The following ZBTB38 variants were observed in gnomAD, a reference collection of about 807,000 sequenced individuals.
ZBTB38 encodes zinc finger and BTB domain containing 38, also known as zinc finger and BTB domain-containing protein 38.
In ZBTB38, 20 loss-of-function variants were observed where a neutral mutation model predicts 76.8. The observed-to-expected ratio is 0.26, with a 90% CI of 0.18 to 0.38. ZBTB38 has a LOEUF of 0.38. ZBTB38 is among the 10% of genes least tolerant of loss of function. The pLI, the probability that ZBTB38 is intolerant of heterozygous loss-of-function variation, is 1.00. For missense variants in ZBTB38, 1,082 were observed against 1,482.3 expected (o/e 0.73, Z 4.43); for synonymous variants, 504 against 544.2 (o/e 0.93, Z 1.03).
In ZBTB38 at chr3:141,443,062, T is replaced by C. The variant is rs758625825; in HGVS notation, c.674T>C (p.Val225Ala). 2 of 1,614,264 alleles carry C rather than the reference T, an allele frequency of 1.2e-6. No homozygotes were observed. The highest frequency in any genetic ancestry group is 2.2e-5 in the South Asian group (2 of 91,086). ...ACACTTGCCGAGCACTCATACGCTGTTTCTTCCGTAGCTGAAGCTTACAGA... is the reference window on the plus strand; with the variant it reads ...ACACTTGCCGAGCACTCATACGCTGCTTCTTCCGTAGCTGAAGCTTACAGA... ...VRTLAEHSYA[V>A]SSVAEAYRSQ... is the part of the protein sequence containing the mutation. Residue 225 changes from valine (V) to alanine (A), a missense_variant, in exon 6 of 6, where the codon GTT becomes GCT. Around this residue, in one of 8 missense-constraint regions of ZBTB38, gnomAD observed 324 missense variants for 359.1 expected, o/e 0.90. Transcript: ENST00000321464. The surrounding 1 kb of genome is among the most constrained non-coding windows in gnomAD (Gnocchi z 5.6).
intron 1 of ZBTB38, among the ~76,000 whole-genome samples, chr3:141,337,079 A>G (rs1466548347): frequency 6.6e-6 from 1 of 151,978 alleles, no homozygotes; most frequent in African/African-American, 2.4e-5. Flanking sequence ...AGTTCTAGTC[A>G]CTCCCCGCTT....
intron 5 of ZBTB38, among the ~76,000 whole-genome samples, chr3:141,406,905 T>G (rs1954698021): frequency 6.6e-6 from 1 of 152,154 alleles, no homozygotes; most frequent in African/African-American, 2.4e-5. Context: ...CTTTTTAAGG[T>G]AATATGACGT....
intron 5 of ZBTB38, among the ~76,000 whole-genome samples, chr3:141,421,702 C>A (rs534579074): frequency 6.6e-6 from 1 of 152,184 alleles, no homozygotes; most frequent in Non-Finnish European, 1.5e-5. Flanking sequence ...CCCCTCACCC[C>A]ACTCCCCATC....
chr3:141,439,024 CCT>C (rs1363586656), intron 5 of ZBTB38, among the ~76,000 whole-genome samples: 7 of 151,894 alleles, frequency 4.6e-5, no homozygotes, highest in Non-Finnish European at 1.0e-4. Context: ...TTCCTATACC[CCT>C]GTTTTACTTA....
At chr3:141,403,101 T>A (rs899382814) in intron 4 of ZBTB38, 6 of 152,190 alleles carry the variant, frequency 3.9e-5, no homozygotes, top group Admixed American at 2.0e-4. Flanking sequence ...ATAAATCACC[T>A]GAGATTTTAG....
chr3:141,368,995 CAAA>C (rs887674425), intron 1 of ZBTB38, among the ~76,000 whole-genome samples, 191 bp downstream of exon 1: 2 of 84,536 alleles, frequency 2.4e-5, no homozygotes, highest in Non-Finnish European at 4.4e-5. Context: ...GAAAAGAATG[CAAA>C]AAAAAAAAAA....
Position 141,371,343 on chromosome 3 carries a change from G to A in ZBTB38, c.-235+1397G>A, listed in dbSNP as rs190616456. On this transcript the variant is annotated intron_variant, in intron 2 of 5. Coordinates refer to ENST00000321464, the MANE Select transcript of ZBTB38 (RefSeq NM_001376113.1). ...TGAGATTACAGACATGAGCCATAGC[G>A]CCCAGCCGAGAAACTTTTTTTTTCT... Among the ~76,000 whole-genome samples, 16 of 150,958 alleles carry A rather than the reference G, an allele frequency of 1.1e-4. No homozygotes were observed. In the East Asian group the frequency reaches 2.6e-3, roughly 24 times the overall value.
intron 5 of ZBTB38, among the ~76,000 whole-genome samples, chr3:141,422,382 T>A (rs2075593015): frequency 6.6e-6 from 1 of 152,152 alleles, no homozygotes. Context: ...AGAGCATAAG[T>A]CACCTTACTG....
chr3:141,330,298 A>G (rs1162806577), intron 1 of ZBTB38, among the ~76,000 whole-genome samples: 2 of 152,172 alleles, frequency 1.3e-5, no homozygotes, highest in Admixed American at 6.5e-5. Context: ...GACTAAGGGT[A>G]CCATGGAACG....
At chr3:141,388,439 T>C (rs1947797728) in intron 4 of ZBTB38, 1 of 152,126 alleles carries the variant, frequency 6.6e-6, no homozygotes. Flanking sequence ...AAATATTAAA[T>C]ATAGATGGCC....
chr3:141,354,658 C>T (rs918626504), intron 1 of ZBTB38, among the ~76,000 whole-genome samples: 2 of 152,144 alleles, frequency 1.3e-5, no homozygotes, highest in African/African-American at 4.8e-5. Flanking sequence ...GCATATCTCT[C>T]CAGGCAGGCA....
chr3:141,384,115 C>A (rs1484743719), intron 3 of ZBTB38, among the ~76,000 whole-genome samples: 1 of 152,216 alleles, frequency 6.6e-6, no homozygotes, highest in Non-Finnish European at 1.5e-5. Context: ...GTCTGGTAAA[C>A]GTACCACGTT....
chr3:141,404,064 T>C (rs547941286), intron 5 of ZBTB38, 33 bp downstream of exon 5: 6 of 152,314 alleles, frequency 3.9e-5, no homozygotes, highest in Non-Finnish European at 8.8e-5. Context: ...TTAGTCTACA[T>C]GAGATAGGAA....
At chr3:141,415,067 T>G (rs929093865) in intron 5 of ZBTB38, among the ~76,000 whole-genome samples, 3 of 152,100 alleles carry the variant, frequency 2.0e-5, no homozygotes, top group Non-Finnish European at 2.9e-5. Flanking sequence ...GGCATCATCA[T>G]CATCATCTTC....
rs1356855291 is a variant in ZBTB38 at position 141,443,324 on chromosome 3, T to G, written c.936T>G (p.Asn312Lys). The G allele has an allele frequency of 3.7e-6, 6 of 1,614,074 alleles. No individual in the cohort carries two copies. The African/African-American group carries it at 8.0e-5, about 22-fold the overall frequency. Residue 312 changes from asparagine (N) to lysine (K), a missense_variant, in exon 6 of 6, where the codon AAT (asparagine) becomes AAG (lysine). Asn to Lys is a moderately conservative substitution (Grantham distance 94). Coordinates refer to ENST00000321464, the MANE Select transcript of ZBTB38 (RefSeq NM_001376113.1). The surrounding 1 kb of genome is among the most constrained non-coding windows in gnomAD (Gnocchi z 5.6). ...TCACTCGTTCAAAATCTCCAAACAA[T>G]GAAGGAGATGTCCATTTTTCCAGGG... ...AVLTRSKSPN[N>K]EGDVHFSRED...
intron 1 of ZBTB38, among the ~76,000 whole-genome samples, chr3:141,349,731 A>G (rs963648094): frequency 6.6e-6 from 1 of 152,150 alleles, no homozygotes; most frequent in Non-Finnish European, 1.5e-5. Context: ...CTCTGTCTCA[A>G]AAAAATAAAT....
Position 141,380,369 on chromosome 3 carries a change from G to A in ZBTB38, c.-234-1056G>A, listed in dbSNP as rs541448890. On this transcript the variant is annotated intron_variant, in intron 2 of 5. Transcript: ENST00000321464. ...GAGAGACAGGTTTACACAAAGCACT[G>A]TGGTCTGCTTGCCAGACAACTTGTG... Among the ~76,000 whole-genome samples, 3 of 152,290 alleles carry A rather than the reference G, an allele frequency of 2.0e-5. No homozygotes were observed. In the South Asian group the frequency reaches 6.2e-4, roughly 32 times the overall value.
intron 1 of ZBTB38, among the ~76,000 whole-genome samples, chr3:141,337,921 CTAAT>C (rs1559912146): frequency 6.6e-6 from 1 of 152,136 alleles, no homozygotes; most frequent in Non-Finnish European, 1.5e-5. Flanking sequence ...ATAATTATCA[CTAAT>C]TTATTTATTT....
intron 1 of ZBTB38, among the ~76,000 whole-genome samples, chr3:141,327,450 G>T (rs546979541): frequency 6.6e-6 from 1 of 152,156 alleles, no homozygotes; most frequent in African/African-American, 2.4e-5. Flanking sequence ...CAGTCCAACC[G>T]TGAGAAAAAT....
Sources: gnomAD v4.1 joint callset for allele counts (sites outside exome capture counted in the v4.1 genomes callset) on GRCh38, gnomAD v4.1.1 for gene constraint, gnomAD v4.1.1 regional missense constraint, Gnocchi (gnomAD v3.1) non-coding constraint, MANE v1.5 for transcripts, NCBI Gene and HGNC (gene_info 2026-07-23, HGNC 2026-07-21) for gene names.